The following CRTAP variants were observed in gnomAD, a reference collection of about 807,000 sequenced individuals.
CRTAP encodes the protein cartilage associated protein.
In CRTAP, 33 loss-of-function variants were observed where a neutral mutation model predicts 42.7. That is an observed-to-expected ratio of 0.77 (90% CI 0.59 to 1.03). The LOEUF (loss-of-function observed/expected upper bound fraction) is 1.03. Among genes scored for constraint, CRTAP ranks in the 50% least tolerant of loss-of-function variants. The pLI, the probability that CRTAP is intolerant of heterozygous loss-of-function variation, is 0.00. For missense variants in CRTAP, 613 were observed against 533.9 expected (o/e 1.15, Z -1.46); for synonymous variants, 243 against 217.7 (o/e 1.12, Z -1.02).
chr3:33,114,833 A>G (rs1018869877), intron 1 of CRTAP, among the ~76,000 whole-genome samples: 4 of 152,270 alleles, frequency 2.6e-5, no homozygotes, highest in African/African-American at 7.2e-5. Flanking sequence ...GTTCTCTGTT[A>G]TTTGAGGGCA....
chr3:33,115,809 C>T (rs1487920431), intron 1 of CRTAP, among the ~76,000 whole-genome samples: 1 of 150,220 alleles, frequency 6.7e-6, no homozygotes, highest in Non-Finnish European at 1.5e-5. Flanking sequence ...TTTATATGAG[C>T]AATAAAATAA....
At chr3:33,114,806 C>G (rs1487870439) in intron 1 of CRTAP, among the ~76,000 whole-genome samples, 1 of 152,252 alleles carries the variant, frequency 6.6e-6, no homozygotes, top group Non-Finnish European at 1.5e-5. Flanking sequence ...AGGCACCCAA[C>G]AAAGTGCCTG....
chr3:33,120,640 T>A, intron 2 of CRTAP, 147 bp downstream of exon 2: 1 of 1,246,750 alleles, frequency 8.0e-7, no homozygotes, highest in Non-Finnish European at 1.1e-6. Flanking sequence ...GATTGACTTT[T>A]AGCACAAAGT....
rs142964927 is a variant in CRTAP, at chr3:33,131,525, A to G, written c.923-1030A>G. Among the ~76,000 whole-genome samples, 44 of 152,258 alleles carry G rather than the reference A, an allele frequency of 2.9e-4. No homozygotes were observed. In the East Asian group the frequency reaches 8.3e-3, roughly 29 times the overall value. On this transcript the variant is annotated intron_variant, in intron 4 of 6. Transcript: ENST00000320954. ...ACGTGCCCTGAAAATCGCCCTGCAT[A>G]TCAGAAACTGGCAAAGACTTATCAA... is the stretch of plus-strand genomic sequence containing the variant.
chr3:33,133,470 G>A (rs545475609), intron 5 of CRTAP, among the ~76,000 whole-genome samples: 1 of 151,126 alleles, frequency 6.6e-6, no homozygotes, highest in Non-Finnish European at 1.5e-5. Context: ...GGCTAGTCTC[G>A]AACTCCTGGC....
At chr3:33,132,805 C>T (rs1265072253) in intron 5 of CRTAP, 105 bp downstream of exon 5, 48 of 1,365,730 alleles carry the variant, frequency 3.5e-5, no homozygotes, top group Middle Eastern at 2.5e-4. Context: ...AGGGGCTGGG[C>T]GCGGTGACTC....
intron 4 of CRTAP, among the ~76,000 whole-genome samples, chr3:33,132,328 C>A (rs1220236094): frequency 6.6e-6 from 1 of 152,204 alleles, no homozygotes. Flanking sequence ...ATAGGCATTT[C>A]TCCATAGGCA....
At chr3:33,127,492 G>C (rs1363809002) in intron 3 of CRTAP, among the ~76,000 whole-genome samples, 1 of 152,042 alleles carries the variant, frequency 6.6e-6, no homozygotes, top group East Asian at 1.9e-4. Flanking sequence ...TTGTTGCCCA[G>C]GCTGGAGTGC....
At chr3:33,117,051 G>A (rs766457922) in intron 1 of CRTAP, among the ~76,000 whole-genome samples, 8 of 152,192 alleles carry the variant, frequency 5.3e-5, no homozygotes, top group Non-Finnish European at 1.2e-4. Context: ...AGGCTGCAGT[G>A]AGCTGTGATC....
rs2030353483 is a variant in CRTAP at position 33,134,180 on chromosome 3, A to C, written c.1069-2A>C. 1 of 1,607,232 alleles carries C rather than the reference A, an allele frequency of 6.2e-7. No individual in the cohort carries two copies. The highest frequency in any genetic ancestry group is 8.5e-7 in the Non-Finnish European group (1 of 1,173,704). On this transcript the variant is annotated splice_acceptor_variant, in intron 5 of 6. Coordinates refer to ENST00000320954, the MANE Select transcript of CRTAP (RefSeq NM_006371.5). LOFTEE classifies it high-confidence loss of function. ...AAACTGTTCTCTGTTGTGTCTGAAC[A>C]GGAAGCAGTTCAGTTCTTTAATGTG... is the stretch of plus-strand genomic sequence containing the variant.
In CRTAP at chr3:33,129,877, G is replaced by A. The variant is rs1202858827; in HGVS notation, c.794-62G>A. The A allele has an allele frequency of 2.0e-6, 3 of 1,512,332 alleles. No homozygotes were observed. The Admixed American group carries it at 5.0e-5, about 25-fold the overall frequency. The allele number at this position is 1,512,332 out of a possible 1,614,324, so 93.7% of individuals were successfully genotyped here. On this transcript the variant is annotated intron_variant, in intron 3 of 6. Coordinates refer to ENST00000320954, the MANE Select transcript of CRTAP (RefSeq NM_006371.5). ...TTTAACTTTTTCATTTGGGCAGGAG[G>A]CAGTAGCATATTAAGAAAGTAATGG...
intron 4 of CRTAP, among the ~76,000 whole-genome samples, chr3:33,130,321 G>A (rs978267983): frequency 6.6e-6 from 1 of 152,182 alleles, no homozygotes; most frequent in Non-Finnish European, 1.5e-5. Flanking sequence ...TGTGAATAGA[G>A]ATTGTAGTAC....
intron 1 of CRTAP, among the ~76,000 whole-genome samples, chr3:33,115,690 T>C (rs1413459882): frequency 6.6e-6 from 1 of 152,224 alleles, no homozygotes; most frequent in Non-Finnish European, 1.5e-5. Flanking sequence ...TGGCATATCC[T>C]AGACTCTTGA....
intron 1 of CRTAP, among the ~76,000 whole-genome samples, chr3:33,115,058 C>G (rs1308066826): frequency 6.6e-6 from 1 of 152,206 alleles, no homozygotes; most frequent in Non-Finnish European, 1.5e-5. Context: ...GATCCTCCAC[C>G]TCAGCCTCCT....
intron 6 of CRTAP, among the ~76,000 whole-genome samples, chr3:33,137,609 T>C (rs1422806647): frequency 6.6e-6 from 1 of 152,268 alleles, no homozygotes; most frequent in Non-Finnish European, 1.5e-5. Flanking sequence ...AAGTTCCTTA[T>C]CAGATATATG....
chr3:33,142,267 C>T (rs1187606500), intron 6 of CRTAP, 128 bp from the exon 7 acceptor site: 1 of 841,982 alleles, frequency 1.2e-6, no homozygotes, highest in Non-Finnish European at 2.0e-6. Context: ...GGCCCCAGAC[C>T]AGCAGAAAAA....
At chr3:33,137,736 T>C (rs1469323956) in intron 6 of CRTAP, among the ~76,000 whole-genome samples, 3 of 152,244 alleles carry the variant, frequency 2.0e-5, no homozygotes, top group Admixed American at 6.5e-5. Flanking sequence ...CTTTTGTTGC[T>C]TTTGTGTTGT....
At chr3:33,118,336 T>C (rs1032868345) in intron 1 of CRTAP, among the ~76,000 whole-genome samples, 1 of 152,220 alleles carries the variant, frequency 6.6e-6, no homozygotes, top group Non-Finnish European at 1.5e-5. Flanking sequence ...AAAGGCAGCA[T>C]TCATACCCTC....
At chr3:33,132,513 G>C in intron 4 of CRTAP, 42 bp from the exon 5 acceptor site, 1 of 1,612,564 alleles carries the variant, frequency 6.2e-7, no homozygotes. Context: ...TATAGGGTGT[G>C]GTTTGCTGAT....
Sources: gnomAD v4.1 joint callset for allele counts (sites outside exome capture counted in the v4.1 genomes callset) on GRCh38, gnomAD v4.1.1 for gene constraint, MANE v1.5 for transcripts, NCBI Gene and HGNC (gene_info 2026-07-23, HGNC 2026-07-21) for gene names.